CDH13: variants seen among roughly 807,000 people sequenced by gnomAD.
CDH13 encodes cadherin-13.
In CDH13, 24 loss-of-function variants were observed where a neutral mutation model predicts 63.8. The ratio of observed to expected loss-of-function variants is 0.38; its 90% confidence interval spans 0.27 to 0.53. CDH13 has a LOEUF of 0.53. Ranked by LOEUF, CDH13 falls within the 20% of genes least tolerant of loss-of-function variation. The pLI is 0.85. For synonymous variants in CDH13, 503 were observed against 355.3 expected, an observed-to-expected ratio of 1.42 and a Z score of -4.67; for missense variants, 1,049 against 903.1, an observed-to-expected ratio of 1.16 and a Z score of -2.07.
At chr16:83,475,351 C>T (rs548120822) in intron 6 of CDH13, among the ~76,000 whole-genome samples, 2 of 152,108 alleles carry the variant, frequency 1.3e-5, no homozygotes, top group East Asian at 1.9e-4. Context: ...AACTCTCTGC[C>T]GCTCCTGCAG....
chr16:82,911,405 A>G (rs1425958544), intron 2 of CDH13, among the ~76,000 whole-genome samples: 2 of 152,120 alleles, frequency 1.3e-5, no homozygotes, highest in East Asian at 3.9e-4. Context: ...TGTGACATCC[A>G]AAGCCTCTTT....
At chr16:83,361,114 T>C (rs1399432263) in intron 6 of CDH13, among the ~76,000 whole-genome samples, 1 of 152,198 alleles carries the variant, frequency 6.6e-6, no homozygotes, top group Non-Finnish European at 1.5e-5. Flanking sequence ...TTTTTGACTT[T>C]TTAAAATAGC....
At chr16:83,202,226 A>T (rs1422194875) in intron 4 of CDH13, among the ~76,000 whole-genome samples, 2 of 152,140 alleles carry the variant, frequency 1.3e-5, no homozygotes, top group Non-Finnish European at 2.9e-5. Flanking sequence ...CTGGGTCACA[A>T]AGGGCAGCCC....
chr16:82,744,163 G>C (rs1467636888), intron 1 of CDH13, among the ~76,000 whole-genome samples: 1 of 152,214 alleles, frequency 6.6e-6, no homozygotes, highest in Non-Finnish European at 1.5e-5. Flanking sequence ...GACAGAGATA[G>C]GATGGCAGCC....
chr16:83,584,442 G>C (rs1905949892), intron 7 of CDH13, among the ~76,000 whole-genome samples: 1 of 152,146 alleles, frequency 6.6e-6, no homozygotes, highest in Non-Finnish European at 1.5e-5. Flanking sequence ...TGCTACAAGG[G>C]AACTGTGTCA....
chr16:82,679,268 T>C (rs1914278092), intron 1 of CDH13, among the ~76,000 whole-genome samples: 2 of 152,300 alleles, frequency 1.3e-5, no homozygotes, highest in Middle Eastern at 3.4e-3. Context: ...TGTCTGATCA[T>C]ATACCTGGGA....
intron 5 of CDH13, among the ~76,000 whole-genome samples, chr16:83,223,779 G>A (rs371121882): frequency 1.3e-5 from 2 of 152,318 alleles, no homozygotes; most frequent in South Asian, 2.1e-4. Context: ...AGGAAAGTCC[G>A]CTTGCCAGAG....
intron 5 of CDH13, among the ~76,000 whole-genome samples, chr16:83,238,713 A>G (rs1485783638): frequency 2.0e-5 from 3 of 148,366 alleles, no homozygotes; most frequent in Non-Finnish European, 4.5e-5. Context: ...CAGAAATAAC[A>G]TTTAACCAGT....
intron 1 of CDH13, among the ~76,000 whole-genome samples, chr16:82,845,171 T>C (rs1196695628): frequency 6.6e-6 from 1 of 152,126 alleles, no homozygotes; most frequent in Non-Finnish European, 1.5e-5. Flanking sequence ...TTGAGCTCAC[T>C]GCTGTAGACA....
intron 2 of CDH13, among the ~76,000 whole-genome samples, chr16:82,985,988 G>A (rs908384176): frequency 2.0e-5 from 3 of 152,042 alleles, no homozygotes; most frequent in Admixed American, 2.0e-4. Context: ...GCAGACATTG[G>A]CATCATGCTT....
At position 82,887,859 on chromosome 16, in the gene CDH13, T is replaced by C. The variant is rs145067239; in HGVS notation, c.157+29386T>C. Among the ~76,000 whole-genome samples, 158 of 152,062 alleles carry C rather than the reference T, an allele frequency of 1.0e-3. 1 individual carries two copies. Among genetic ancestry groups the C allele is most frequent in the African/African-American group, 3.6e-3 (148 of 41,500 alleles). On this transcript the variant is annotated intron_variant, in intron 2 of 13. Coordinates refer to ENST00000567109, the MANE Select transcript of CDH13 (RefSeq NM_001257.5). Reference sequence around the variant, plus strand: ...AAAGGAGAAGAGTGTCTCAAGGGTTTTTTTTTCCAGCAGGTGAACCCAGCC... The same window carrying C: ...AAAGGAGAAGAGTGTCTCAAGGGTTCTTTTTTCCAGCAGGTGAACCCAGCC...
intron 8 of CDH13, among the ~76,000 whole-genome samples, chr16:83,653,040 G>A (rs951561788): frequency 6.6e-6 from 1 of 152,156 alleles, no homozygotes; most frequent in African/African-American, 2.4e-5. Context: ...AGTGAAAAAA[G>A]TCAGACAGAA....
intron 1 of CDH13, among the ~76,000 whole-genome samples, chr16:82,632,946 G>A (rs748346168): frequency 5.3e-5 from 8 of 152,082 alleles, no homozygotes; most frequent in Non-Finnish European, 1.0e-4. Context: ...TCCCATGCAC[G>A]CACACAGTTC....
At chr16:83,330,139 T>G (rs2090450193) in intron 5 of CDH13, among the ~76,000 whole-genome samples, 2 of 152,202 alleles carry the variant, frequency 1.3e-5, no homozygotes, top group African/African-American at 4.8e-5. Flanking sequence ...ACTGTGGTGG[T>G]GGATACAAGA....
At chr16:82,664,181 G>T (rs1912315806) in intron 1 of CDH13, among the ~76,000 whole-genome samples, 1 of 152,246 alleles carries the variant, frequency 6.6e-6, no homozygotes, top group Non-Finnish European at 1.5e-5. Flanking sequence ...AGCTTTTGTT[G>T]AAATTAATCT....
At chr16:83,452,686 G>C (rs1025166631) in intron 6 of CDH13, among the ~76,000 whole-genome samples, 3 of 152,160 alleles carry the variant, frequency 2.0e-5, no homozygotes, top group African/African-American at 7.2e-5. Flanking sequence ...CAATTAAATA[G>C]AGAAAATAAA....
At chr16:83,223,539 T>C (rs989150484) in intron 5 of CDH13, among the ~76,000 whole-genome samples, 8 of 152,220 alleles carry the variant, frequency 5.3e-5, no homozygotes, top group Non-Finnish European at 1.0e-4. Flanking sequence ...CACTTTGCTC[T>C]GATGCTCACA....
Position 83,552,806 on chromosome 16 carries a change from G to A in CDH13, c.961-49648G>A, listed in dbSNP as rs571346829. ...TTTCAAAGACGTGGTTATTGGCTGG[G>A]CGCAGTGGCTCACACCTGTAATCCA... On this transcript the variant is annotated intron_variant, in intron 7 of 13. Coordinates refer to ENST00000567109, the MANE Select transcript of CDH13 (RefSeq NM_001257.5). 9.1e-4 allele frequency among the ~76,000 whole-genome samples: 138 copies of A among 152,300 alleles called. 2 individuals carry two copies. The highest frequency in any genetic ancestry group is 3.1e-3 in the African/African-American group (127 of 41,548).
intron 2 of CDH13, among the ~76,000 whole-genome samples, chr16:82,986,472 C>G (rs1270306224): frequency 1.3e-5 from 2 of 152,178 alleles, no homozygotes. Context: ...TCCTCTGGGT[C>G]AAAAACACTG....
Sources: gnomAD v4.1 joint callset for allele counts (sites outside exome capture counted in the v4.1 genomes callset) on GRCh38, gnomAD v4.1.1 for gene constraint, MANE v1.5 for transcripts, NCBI Gene and HGNC (gene_info 2026-07-23, HGNC 2026-07-21) for gene names.